Variants in AGBL4 observed in about 807,000 individuals in gnomAD.
AGBL4 encodes the protein cytosolic carboxypeptidase 6.
AGBL4 carries 58 observed loss-of-function variants against 66.4 expected under a neutral mutation model. The ratio of observed to expected loss-of-function variants is 0.87; its 90% CI spans 0.71 to 1.09. AGBL4 has a LOEUF of 1.09. AGBL4 is among the 50% of genes least tolerant of loss of function. The pLI is 0.00. For missense variants in AGBL4, 579 were observed against 631.0 expected (o/e 0.92, Z 0.88); for synonymous variants, 234 against 222.9 (o/e 1.05, Z -0.44).
chr1:48,859,678 T>C (rs1647316126), intron 6 of AGBL4, among the ~76,000 whole-genome samples: 1 of 152,232 alleles, frequency 6.6e-6, no homozygotes, highest in Non-Finnish European at 1.5e-5. Context: ...AAAAGGGACA[T>C]GTACCAAGAG....
intron 3 of AGBL4, among the ~76,000 whole-genome samples, chr1:49,621,205 T>C (rs907855364): frequency 6.6e-6 from 1 of 152,216 alleles, no homozygotes; most frequent in African/African-American, 2.4e-5. Context: ...CCATTTTTAC[T>C]TTCTGCAGAA....
At chr1:49,784,211 C>G (rs1156524494) in intron 2 of AGBL4, among the ~76,000 whole-genome samples, 1 of 152,006 alleles carries the variant, frequency 6.6e-6, no homozygotes, top group African/African-American at 2.4e-5. Flanking sequence ...CATGTTGCAC[C>G]CTTCCCTATT....
chr1:48,992,674 A>T (rs1046508519), intron 5 of AGBL4, among the ~76,000 whole-genome samples: 4 of 151,996 alleles, frequency 2.6e-5, no homozygotes, highest in African/African-American at 7.2e-5. Context: ...TTCTACTGTG[A>T]CTGAGCTTAC....
chr1:49,695,613 G>A (rs953287765), intron 3 of AGBL4, among the ~76,000 whole-genome samples: 5 of 152,068 alleles, frequency 3.3e-5, no homozygotes, highest in African/African-American at 1.2e-4. Flanking sequence ...TGCCATAGGA[G>A]AGTAAATAAA....
chr1:49,994,734 A>G (rs1400645217), intron 1 of AGBL4: 1 of 182,442 alleles, frequency 5.5e-6, no homozygotes, highest in African/African-American at 2.4e-5. Flanking sequence ...ACATACCAGG[A>G]AAGCTCAGAG....
chr1:48,956,256 C>T (rs940459824), intron 5 of AGBL4, among the ~76,000 whole-genome samples: 1 of 152,314 alleles, frequency 6.6e-6, no homozygotes, highest in Admixed American at 6.5e-5. Context: ...CTGTCCAGTA[C>T]ATAGACATGC....
At chr1:49,138,135 A>G (rs1179339056) in intron 4 of AGBL4, among the ~76,000 whole-genome samples, 2 of 152,164 alleles carry the variant, frequency 1.3e-5, no homozygotes, top group African/African-American at 4.8e-5. Flanking sequence ...AGAAACTTGT[A>G]CTAGTATACC....
chr1:49,493,387 T>C (rs1647258949), intron 3 of AGBL4, among the ~76,000 whole-genome samples: 1 of 152,016 alleles, frequency 6.6e-6, no homozygotes, highest in South Asian at 2.1e-4. Context: ...TTTATATACA[T>C]TAATGTTCAC....
At chr1:49,356,592 C>T (rs1644024542) in intron 3 of AGBL4, among the ~76,000 whole-genome samples, 1 of 152,188 alleles carries the variant, frequency 6.6e-6, no homozygotes, top group African/African-American at 2.4e-5. Flanking sequence ...TCTTTTACGG[C>T]TTTATTTCCA....
At chr1:49,543,835 C>T (rs1570990217) in intron 3 of AGBL4, among the ~76,000 whole-genome samples, 3 of 152,218 alleles carry the variant, frequency 2.0e-5, no homozygotes, top group South Asian at 4.2e-4. Flanking sequence ...AGTATCCCCT[C>T]GTAACTGTTG....
intron 2 of AGBL4, among the ~76,000 whole-genome samples, chr1:49,705,534 C>A (rs1348432659): frequency 6.6e-6 from 1 of 152,108 alleles, no homozygotes; most frequent in Non-Finnish European, 1.5e-5. Flanking sequence ...CTTTTTATTT[C>A]TTTCTCTTGC....
rs373870662 is a variant in AGBL4, at chr1:49,358,242, AC to A, written c.283-112379del. On this transcript the variant is annotated intron_variant, in intron 3 of 13. Transcript: ENST00000371839. ...ATAATAAAAGCATTCTTACACATAC[AC>A]CTCATACCAGACCCCAATTAAGATT... Among the ~76,000 whole-genome samples the A allele has an allele frequency of 3.3e-4, 51 of 152,248 alleles. 1 individual carries two copies. The South Asian group carries it at 9.8e-3, about 29-fold the overall frequency.
intron 3 of AGBL4, among the ~76,000 whole-genome samples, chr1:49,460,817 CTA>C (rs1646495555): frequency 6.6e-6 from 1 of 151,578 alleles, no homozygotes; most frequent in Non-Finnish European, 1.5e-5. Context: ...CTCTCAGCAT[CTA>C]TTTATCTGGA....
chr1:49,931,195 A>C (rs1653312126), intron 1 of AGBL4, among the ~76,000 whole-genome samples: 1 of 152,214 alleles, frequency 6.6e-6, no homozygotes, highest in Non-Finnish European at 1.5e-5. Context: ...ATTTGAACAA[A>C]GACATACACT....
At chr1:50,016,465 G>A (rs929353086) in intron 1 of AGBL4, among the ~76,000 whole-genome samples, 12 of 152,300 alleles carry the variant, frequency 7.9e-5, no homozygotes, top group African/African-American at 2.6e-4. Flanking sequence ...AGGAGGCTGA[G>A]GCAGGACAAT....
chr1:49,208,804 G>C (rs781165215), intron 4 of AGBL4, among the ~76,000 whole-genome samples: 1 of 152,072 alleles, frequency 6.6e-6, no homozygotes, highest in Non-Finnish European at 1.5e-5. Flanking sequence ...GCCTGACTTG[G>C]CTTCCAAGGA....
intron 5 of AGBL4, among the ~76,000 whole-genome samples, chr1:48,942,436 A>G (rs184712985): frequency 6.1e-4 from 93 of 152,256 alleles, no homozygotes; most frequent in Middle Eastern, 3.4e-3. Context: ...AAGTCATCAG[A>G]TTCCTCATCT....
chr1:49,355,576 C>T (rs77095013), intron 3 of AGBL4, among the ~76,000 whole-genome samples: 7,981 of 152,208 alleles, frequency 0.052, 230 homozygotes, highest in African/African-American at 0.069. Context: ...TGCCCATTAG[C>T]TTCCCATCAA....
At chr1:48,854,533 T>C (rs1647102794) in intron 6 of AGBL4, among the ~76,000 whole-genome samples, 1 of 152,182 alleles carries the variant, frequency 6.6e-6, no homozygotes, top group Non-Finnish European at 1.5e-5. Context: ...TCTCAGGCTT[T>C]ATAATTCATA....
Sources: gnomAD v4.1 joint callset for allele counts (sites outside exome capture counted in the v4.1 genomes callset) on GRCh38, gnomAD v4.1.1 for gene constraint, MANE v1.5 for transcripts, NCBI Gene and HGNC (gene_info 2026-07-23, HGNC 2026-07-21) for gene names.